The following ANKDD1A variants were observed in gnomAD, a reference collection of about 807,000 sequenced individuals.
ANKDD1A encodes the protein ankyrin repeat and death domain containing 1A.
In ANKDD1A, 59 loss-of-function variants were observed where a neutral mutation model predicts 63.5. That is an observed-to-expected ratio of 0.93 (90% CI 0.75 to 1.15). ANKDD1A has a LOEUF of 1.15. Ranked by LOEUF, ANKDD1A falls within the 50% of genes most tolerant of loss-of-function variation. ANKDD1A has a pLI of 0.00. For missense variants in ANKDD1A, 632 were observed against 656.4 expected (o/e 0.96, Z 0.41); for synonymous variants, 266 against 263.9 (o/e 1.01, Z -0.08).
At chr15:64,941,809 A>G (rs1303158205) in intron 9 of ANKDD1A, among the ~76,000 whole-genome samples, 2 of 152,030 alleles carry the variant, frequency 1.3e-5, no homozygotes, top group African/African-American at 2.4e-5. Context: ...ACTATTGGGG[A>G]TGGTGTCTTC....
chr15:64,936,161 A>G (rs969829723), intron 9 of ANKDD1A, among the ~76,000 whole-genome samples: 1 of 152,300 alleles, frequency 6.6e-6, no homozygotes, highest in Middle Eastern at 3.4e-3. Context: ...TTATTATAAA[A>G]ACAACATTAC....
chr15:64,932,467 T>C (rs1337195112), intron 8 of ANKDD1A: 1 of 152,298 alleles, frequency 6.6e-6, no homozygotes, highest in East Asian at 1.9e-4. Flanking sequence ...CTCTCCCCGT[T>C]GTACTCATCA....
intron 2 of ANKDD1A, among the ~76,000 whole-genome samples, chr15:64,916,730 A>T (rs1035237180): frequency 2.2e-4 from 34 of 152,210 alleles, no homozygotes; most frequent in African/African-American, 8.2e-4. Context: ...GGCTCCAGAG[A>T]GGGGATGTGG....
intron 12 of ANKDD1A, 141 bp downstream of exon 12, chr15:64,944,888 T>C (rs2085211396): frequency 1.3e-6 from 1 of 758,732 alleles, no homozygotes; most frequent in Admixed American, 2.8e-5. Flanking sequence ...CCTTGTATGT[T>C]ACCACAGTTG....
intron 14 of ANKDD1A, among the ~76,000 whole-genome samples, chr15:64,954,374 CTT>C (rs1187851200): frequency 1.5e-3 from 22 of 14,546 alleles, no homozygotes; most frequent in Non-Finnish European, 4.5e-3. Context: ...CTTCTTCTTC[CTT>C]TTCTTTTCTT....
At chr15:64,953,420 CT>C (rs2085339363) in intron 14 of ANKDD1A, among the ~76,000 whole-genome samples, 1 of 18,922 alleles carries the variant, frequency 5.3e-5, no homozygotes, top group African/African-American at 7.8e-5. Flanking sequence ...CTCCTCCTCC[CT>C]TCTTCTTCCT....
chr15:64,921,998 CAAGA>C lies in ANKDD1A; in HGVS notation c.346_349del (p.Lys116SerfsTer9), dbSNP rs781702512. 3 of 1,614,174 alleles carry C rather than the reference CAAGA, an allele frequency of 1.9e-6. No homozygotes were observed. The East Asian group carries it at 6.7e-5, about 36-fold the overall frequency. ...TCCAGATCTTGGTAAACTCAGGGGC[CAAGA>C]TCCACTGTGAGAGCAAGGTAAGGCC... On this transcript the variant is annotated frameshift_variant, in exon 4 of 15. Transcript: ENST00000319580. LOFTEE classifies it high-confidence loss of function.
chr15:64,947,659 T>A (rs2085234748), intron 13 of ANKDD1A, 66 bp downstream of exon 13: 40 of 1,543,906 alleles, frequency 2.6e-5, no homozygotes, highest in Non-Finnish European at 3.5e-5. Context: ...CTGAAATGTG[T>A]TCAGTTTTCT....
chr15:64,944,752 G>A lies in ANKDD1A; in HGVS notation c.1161+5G>A, dbSNP rs761678399. ...CGTTTCTACAGATGGGAGAAGGTACGGAGGCCTCACGCTTGATCTTTCCTC... is the reference window on the plus strand; with the variant it reads ...CGTTTCTACAGATGGGAGAAGGTACAGAGGCCTCACGCTTGATCTTTCCTC... On this transcript the variant is annotated splice_donor_5th_base_variant and intron_variant, in intron 12 of 14. Transcript: ENST00000319580. 15 of 1,613,558 alleles carry A rather than the reference G, an allele frequency of 9.3e-6. No homozygotes were observed. Among genetic ancestry groups the A allele is most frequent in the African/African-American group, 2.7e-5 (2 of 74,908 alleles).
Position 64,950,281 on chromosome 15 carries a change from A to G in ANKDD1A, c.1483+309A>G, listed in dbSNP as rs1384013529. The G allele has an allele frequency of 5.1e-6, 5 of 985,086 alleles. No homozygotes were observed. The African/African-American group carries it at 5.2e-5, about 10-fold the overall frequency. 61.0% of individuals were successfully genotyped at this position (985,086 alleles called of 1,614,324 possible). On this transcript the variant is annotated intron_variant, in intron 14 of 14. Coordinates refer to ENST00000319580, the MANE Select transcript of ANKDD1A (RefSeq NM_182703.6). ...CTCTATACCTTGACATTTTTTTTCC[A>G]TTTTGGAATAAGCCTGGAACCACCT...
At chr15:64,927,723 G>T (rs1325377379) in intron 6 of ANKDD1A, among the ~76,000 whole-genome samples, 2 of 150,520 alleles carry the variant, frequency 1.3e-5, no homozygotes, top group Non-Finnish European at 2.9e-5. Flanking sequence ...TCCTGCCTCA[G>T]CCTCCCGAAT....
intron 9 of ANKDD1A, among the ~76,000 whole-genome samples, chr15:64,937,850 A>C (rs1014310573): frequency 2.0e-5 from 3 of 152,220 alleles, no homozygotes; most frequent in African/African-American, 7.2e-5. Flanking sequence ...TCTCTACTAC[A>C]AGGAACCAAG....
rs1354900781 is a variant in ANKDD1A, at chr15:64,957,637, A to G, written c.*449A>G. ...ATTATTTGACAAAACTTGTATCCAC[A>G]TTGTAGCTGTTCATGTGTCTGCTTC... On this transcript the variant is annotated 3_prime_UTR_variant, in exon 15 of 15. Transcript: ENST00000319580. 6.5e-6 allele frequency: 1 copy of G among 152,736 alleles called. No homozygotes were observed. Among genetic ancestry groups the G allele is most frequent in the African/African-American group, 2.4e-5 (1 of 41,446 alleles). 9.5% of individuals were successfully genotyped at this position (152,736 alleles called of 1,614,324 possible). A position where few individuals can be genotyped will look rare whatever the true frequency, so the allele number is the denominator to read the frequency against.
chr15:64,937,346 T>C (rs1024142412), intron 9 of ANKDD1A, among the ~76,000 whole-genome samples: 10 of 152,208 alleles, frequency 6.6e-5, no homozygotes, highest in Admixed American at 5.9e-4. Context: ...TCATTTGTAA[T>C]AGCAAAATAT....
intron 13 of ANKDD1A, among the ~76,000 whole-genome samples, chr15:64,949,378 G>A (rs2085250826): frequency 6.6e-6 from 1 of 152,340 alleles, no homozygotes; most frequent in Admixed American, 6.5e-5. Flanking sequence ...AACCACTGGT[G>A]CAGGGGAAAG....
intron 13 of ANKDD1A, among the ~76,000 whole-genome samples, chr15:64,949,514 A>C (rs11637964): frequency 0.071 from 10,798 of 152,292 alleles, 522 homozygotes; most frequent in Non-Finnish European, 0.11. Flanking sequence ...TCATGGTACC[A>C]CAACGATGAA....
chr15:64,934,241 A>G lies in ANKDD1A; in HGVS notation c.867+7A>G, dbSNP rs72739207. The G allele has an allele frequency of 0.02, 32,012 of 1,609,732 alleles. 410 individuals are homozygous for G. The highest frequency in any genetic ancestry group is 0.027 in the South Asian group (2,470 of 90,016). On this transcript the variant is annotated splice_region_variant and intron_variant, in intron 9 of 14. Transcript: ENST00000319580. ...CGCCAACGTGGTTGATCATGTAAGT[A>G]TGGTGCGAGTGTTGAAGGGGGTCTC...
At chr15:64,953,663 T>TTTTCTTTTTCC (rs1555397895) in intron 14 of ANKDD1A, among the ~76,000 whole-genome samples, 1 of 135,454 alleles carries the variant, frequency 7.4e-6, no homozygotes, top group Non-Finnish European at 1.5e-5. Context: ...CTTCTTTTCT[T>TTTTCTTTTTCC]TCTTCTCCTT....
At chr15:64,926,234 C>T in intron 5 of ANKDD1A, 64 bp downstream of exon 5, 1 of 1,469,048 alleles carries the variant, frequency 6.8e-7, no homozygotes, top group African/African-American at 1.4e-5. Context: ...GCCACTCTTG[C>T]ACACTGGGCT....
Sources: allele counts gnomAD v4.1 joint callset (sites outside exome capture counted in the v4.1 genomes callset), GRCh38; gene constraint gnomAD v4.1.1; transcripts MANE v1.5; gene names NCBI Gene and HGNC (gene_info 2026-07-23, HGNC 2026-07-21).